LPCAT2: variants seen among roughly 807,000 people sequenced by gnomAD.
The protein encoded by LPCAT2 is lysophosphatidylcholine acyltransferase 2.
In LPCAT2, 58 loss-of-function variants were observed where a neutral mutation model predicts 64.7. The observed-to-expected ratio is 0.90, with a 90% confidence interval of 0.73 to 1.12. The LOEUF is 1.12. Ranked by LOEUF, LPCAT2 falls within the 50% of genes most tolerant of loss-of-function variation. The pLI is 0.00. For synonymous variants in LPCAT2, 252 were observed against 245.3 expected (o/e 1.03, Z -0.26); for missense variants, 579 against 669.8 (o/e 0.86, Z 1.50).
At chr16:55,556,004 A>T (rs1489557517) in intron 11 of LPCAT2, among the ~76,000 whole-genome samples, 3 of 152,026 alleles carry the variant, frequency 2.0e-5, no homozygotes, top group Non-Finnish European at 2.9e-5. Context: ...TAGTAGAGAC[A>T]AGGCTTCACC....
intron 11 of LPCAT2, 55 bp downstream of exon 11, chr16:55,551,157 A>G (rs1963513417): frequency 6.8e-7 from 1 of 1,465,452 alleles, no homozygotes; most frequent in Non-Finnish European, 9.2e-7. Context: ...ACAGTGAGTA[A>G]ATCAATATGG....
At chr16:55,562,805 A>G (rs1963651045) in intron 11 of LPCAT2, among the ~76,000 whole-genome samples, 1 of 151,816 alleles carries the variant, frequency 6.6e-6, no homozygotes, top group Non-Finnish European at 1.5e-5. Flanking sequence ...TAATATAATG[A>G]CTTAATCATT....
intron 11 of LPCAT2, among the ~76,000 whole-genome samples, chr16:55,568,610 A>G (rs1963734834): frequency 6.6e-6 from 1 of 152,164 alleles, no homozygotes; most frequent in Non-Finnish European, 1.5e-5. Flanking sequence ...GGTGGGGCCC[A>G]GAGATGAATA....
chr16:55,586,542 A>C lies in LPCAT2; in HGVS notation c.*3444A>C, dbSNP rs1293271330. 1 of 152,178 alleles carries C rather than the reference A, an allele frequency of 6.6e-6. No individual in the cohort carries two copies. The highest frequency in any genetic ancestry group is 1.5e-5 in the Non-Finnish European group (1 of 68,034). The allele number at this position is 152,178 out of a possible 1,614,324, so 9.4% of individuals were successfully genotyped here. A position where few individuals can be genotyped will look rare whatever the true frequency, so the allele number is the denominator to read the frequency against. On this transcript the variant is annotated 3_prime_UTR_variant, in exon 14 of 14. Coordinates refer to ENST00000262134, the MANE Select transcript of LPCAT2 (RefSeq NM_017839.5). Reference sequence around the variant, plus strand: ...TCCATCTTTTTTCAAAGTTTCTTACATTTTCCAATGTCATTAAAATTCTCT... The same window carrying C: ...TCCATCTTTTTTCAAAGTTTCTTACCTTTTCCAATGTCATTAAAATTCTCT...
chr16:55,509,125 T>G lies in LPCAT2; in HGVS notation c.-57T>G. The G allele has an allele frequency of 7.8e-7, 1 of 1,288,036 alleles. No homozygotes were observed. Among genetic ancestry groups the G allele is most frequent in the South Asian group, 2.2e-5 (1 of 45,298 alleles). The allele number at this position is 1,288,036 out of a possible 1,614,324, so 79.8% of individuals were successfully genotyped here. On this transcript the variant is annotated 5_prime_UTR_variant, in exon 1 of 14. Coordinates refer to ENST00000262134, the MANE Select transcript of LPCAT2 (RefSeq NM_017839.5). ...GGACTCTAGTAGGTCTTCGGCTCAG[T>G]TTTGGCTGCAGCGCCCGCGTAGATC...
chr16:55,545,222 G>GT (rs34794485), intron 8 of LPCAT2, among the ~76,000 whole-genome samples: 1 of 151,884 alleles, frequency 6.6e-6, no homozygotes, highest in African/African-American at 2.4e-5. Flanking sequence ...AATACTAAGA[G>GT]TTTTTTTAAA....
chr16:55,528,763 A>G (rs1284283712), intron 3 of LPCAT2, among the ~76,000 whole-genome samples, 169 bp downstream of exon 3: 1 of 152,210 alleles, frequency 6.6e-6, no homozygotes, highest in Non-Finnish European at 1.5e-5. Flanking sequence ...TATTTATGAA[A>G]AAAGATTAGA....
rs1963490364 is a variant in LPCAT2, at chr16:55,549,402, AG to A, written c.1061+1del. The stretch of plus-strand genomic sequence containing the variant: ...TTTACTAAAATTAGCCGAAAATTGA[AG>A]TAAGTGTATTTTAAAATGACTACAC... On this transcript the variant is annotated splice_donor_variant, in intron 10 of 13. Coordinates refer to ENST00000262134, the MANE Select transcript of LPCAT2 (RefSeq NM_017839.5). LOFTEE classifies it high-confidence loss of function. The A allele has an allele frequency of 6.3e-7, 1 of 1,586,642 alleles. No individual in the cohort carries two copies. The highest frequency in any genetic ancestry group is 1.2e-5 in the South Asian group (1 of 85,268).
In LPCAT2 at chr16:55,582,912, A is replaced by G; in HGVS notation, c.1451-2A>G. 6.3e-7 allele frequency: 1 copy of G among 1,598,972 alleles called. No homozygotes were observed. Among genetic ancestry groups the G allele is most frequent in the Non-Finnish European group, 8.6e-7 (1 of 1,169,402 alleles). On this transcript the variant is annotated splice_acceptor_variant, in intron 13 of 13. Transcript: ENST00000262134. LOFTEE classifies it high-confidence loss of function. Reference sequence around the variant, plus strand: ...ATTGGATTTTTTTTCTTTCTCTTCTAGAGGAATTTAAAAGTTTTGCCTTAA... The same window carrying G: ...ATTGGATTTTTTTTCTTTCTCTTCTGGAGGAATTTAAAAGTTTTGCCTTAA...
chr16:55,549,324 T>C lies in LPCAT2; in HGVS notation c.983T>C (p.Leu328Ser), dbSNP rs1473053755. 2 of 1,604,748 alleles carry C rather than the reference T, an allele frequency of 1.2e-6. No homozygotes were observed. Among genetic ancestry groups the C allele is most frequent in the Admixed American group, 3.4e-5 (2 of 58,372 alleles). Residue 328 changes from leucine to serine, a missense_variant, in exon 10 of 14, where the codon TTG becomes TCG. Transcript: ENST00000262134. Reference protein sequence around the residue: ...VTDHTYEDCRLMISAGQLTLP... With the variant: ...VTDHTYEDCRSMISAGQLTLP... ...GATCATACCTATGAAGACTGCAGAT[T>C]GATGATTTCAGCAGGACAGCTAACA...
intron 1 of LPCAT2, among the ~76,000 whole-genome samples, chr16:55,511,530 C>A (rs936822488): frequency 5.9e-5 from 9 of 152,062 alleles, no homozygotes; most frequent in African/African-American, 1.9e-4. Context: ...GATAGTTAAA[C>A]AAACAAGTAC....
intron 11 of LPCAT2, chr16:55,567,558 C>G: frequency 6.4e-7 from 1 of 1,555,050 alleles, no homozygotes; most frequent in Non-Finnish European, 8.7e-7. Flanking sequence ...AAAACCTTGC[C>G]AAGCTGTACA....
intron 12 of LPCAT2, among the ~76,000 whole-genome samples, chr16:55,577,836 A>G (rs1295981711): frequency 2.0e-5 from 3 of 152,090 alleles, no homozygotes; most frequent in African/African-American, 7.2e-5. Flanking sequence ...ATAATTCCTT[A>G]AAATGAAGAG....
At position 55,528,600 on chromosome 16, in the gene LPCAT2, TA is replaced by T. The variant is rs1963207596; in HGVS notation, c.529+7del. ...ACAAGTCCCTCTGATTGGCAGTAAG[TA>T]CTTGTAAGGTAACGTAGATAAAATA... On this transcript the variant is annotated splice_region_variant and intron_variant, in intron 3 of 13. Coordinates refer to ENST00000262134, the MANE Select transcript of LPCAT2 (RefSeq NM_017839.5). 6.3e-7 allele frequency: 1 copy of T among 1,592,252 alleles called. No individual in the cohort carries two copies. The highest frequency in any genetic ancestry group is 1.3e-5 in the African/African-American group (1 of 74,538).
intron 1 of LPCAT2, among the ~76,000 whole-genome samples, chr16:55,519,368 G>T (rs1963060470): frequency 6.6e-6 from 1 of 151,712 alleles, no homozygotes; most frequent in Admixed American, 6.6e-5. Context: ...AATTAGCCGG[G>T]CGTGGTGGCG....
chr16:55,532,984 T>C, intron 6 of LPCAT2, 102 bp downstream of exon 6: 1 of 940,894 alleles, frequency 1.1e-6, no homozygotes, highest in Admixed American at 2.4e-5. Flanking sequence ...AACAGATAAA[T>C]GGTGGAAGCA....
intron 1 of LPCAT2, among the ~76,000 whole-genome samples, chr16:55,520,506 A>G (rs1237895471): frequency 6.6e-6 from 1 of 152,054 alleles, no homozygotes; most frequent in Non-Finnish European, 1.5e-5. Flanking sequence ...GAACATTGGT[A>G]ACCACTTTTA....
At chr16:55,567,200 G>A in intron 11 of LPCAT2, 2 of 1,613,820 alleles carry the variant, frequency 1.2e-6, no homozygotes, top group Non-Finnish European at 1.7e-6. Flanking sequence ...AGTATCTGTG[G>A]AACAACATCA....
At chr16:55,580,219 G>C (rs1963873733) in intron 13 of LPCAT2, among the ~76,000 whole-genome samples, 1 of 152,012 alleles carries the variant, frequency 6.6e-6, no homozygotes, top group African/African-American at 2.4e-5. Flanking sequence ...TGTCATTTAG[G>C]TAATTAAATG....
Sources: allele counts gnomAD v4.1 joint callset (sites outside exome capture counted in the v4.1 genomes callset), GRCh38; gene constraint gnomAD v4.1.1; transcripts MANE v1.5; gene names NCBI Gene and HGNC (gene_info 2026-07-23, HGNC 2026-07-21).